The following SPSB1 variants were observed in gnomAD, a reference collection of about 807,000 sequenced individuals.
The protein encoded by SPSB1 is splA/ryanodine receptor domain and SOCS box containing 1.
Under a neutral mutation model 21.2 loss-of-function variants are expected in SPSB1, and 8 were observed. The ratio of observed to expected loss-of-function variants is 0.38; its 90% CI spans 0.22 to 0.68. SPSB1 has a LOEUF of 0.68. Ranked by LOEUF, SPSB1 falls within the 30% of genes least tolerant of loss-of-function variation. The pLI is 0.53. For missense variants in SPSB1, 242 were observed against 377.8 expected (o/e 0.64, Z 2.98); for synonymous variants, 169 against 161.7 (o/e 1.05, Z -0.34).
intron 1 of SPSB1, among the ~76,000 whole-genome samples, chr1:9,351,804 G>A (rs923060599): frequency 1.3e-5 from 2 of 152,206 alleles, no homozygotes; most frequent in Admixed American, 6.5e-5. Context: ...GGTGACAGAT[G>A]AGTCAAGAGT....
intron 1 of SPSB1, among the ~76,000 whole-genome samples, chr1:9,352,611 G>A (rs966825646): frequency 6.6e-6 from 1 of 152,068 alleles, no homozygotes; most frequent in Non-Finnish European, 1.5e-5. Context: ...TGTGTGTTCA[G>A]TTCTGGGTTT....
At chr1:9,366,268 G>C (rs903868095) in intron 2 of SPSB1, among the ~76,000 whole-genome samples, 2 of 152,240 alleles carry the variant, frequency 1.3e-5, no homozygotes, top group Non-Finnish European at 2.9e-5. Context: ...TGGGGGATCA[G>C]CTGAAACTGG....
intron 1 of SPSB1, among the ~76,000 whole-genome samples, chr1:9,318,217 A>C (rs2100479210): frequency 6.6e-6 from 1 of 152,340 alleles, no homozygotes; most frequent in South Asian, 2.1e-4. Flanking sequence ...TGATGCCCCC[A>C]GATCCTCCAC....
At chr1:9,302,303 C>G (rs1639342768) in intron 1 of SPSB1, among the ~76,000 whole-genome samples, 4 of 152,218 alleles carry the variant, frequency 2.6e-5, no homozygotes. Context: ...TGATTATTCT[C>G]TATGCTTCAG....
intron 2 of SPSB1, among the ~76,000 whole-genome samples, chr1:9,358,132 C>T (rs539024569): frequency 6.6e-6 from 1 of 152,324 alleles, no homozygotes; most frequent in South Asian, 2.1e-4. Flanking sequence ...CCTGCTCCTC[C>T]TCCCCCACGT....
Position 9,345,045 on chromosome 1 carries a change from TG to T in SPSB1, c.-149-10696del, listed in dbSNP as rs1261635553. On this transcript the variant is annotated intron_variant, in intron 1 of 2. Transcript: ENST00000328089. This position sits in a 1 kb window ranked among gnomAD's most constrained non-coding sequence, Gnocchi z 4.8. ...CTTGTTGGGGGAAAGTGGCAGACTT[TG>T]GATGCACTCCAGCCTCTTCCTCTCA... Among the ~76,000 whole-genome samples the T allele has an allele frequency of 1.3e-5, 2 of 152,128 alleles. No individual in the cohort carries two copies. Among genetic ancestry groups the T allele is most frequent in the Non-Finnish European group, 2.9e-5 (2 of 68,002 alleles).
chr1:9,347,944 T>C (rs55657587), intron 1 of SPSB1, among the ~76,000 whole-genome samples: 23 of 12,958 alleles, frequency 1.8e-3, no homozygotes, highest in African/African-American at 4.4e-3. Flanking sequence ...TCCCTGCAAC[T>C]TTTTTTTTTT....
intron 1 of SPSB1, among the ~76,000 whole-genome samples, chr1:9,331,394 G>A (rs1464262384): frequency 7.6e-5 from 10 of 132,346 alleles, no homozygotes; most frequent in Non-Finnish European, 1.4e-4. Flanking sequence ...ACAGTGGTAC[G>A]ATCTTGGCTC....
At chr1:9,313,244 C>T (rs1013779265) in intron 1 of SPSB1, among the ~76,000 whole-genome samples, 6 of 151,896 alleles carry the variant, frequency 4.0e-5, no homozygotes, top group Non-Finnish European at 7.4e-5. Flanking sequence ...TAAAAAAATA[C>T]AAAAAAGTAG....
At chr1:9,325,082 C>T (rs539474096) in intron 1 of SPSB1, among the ~76,000 whole-genome samples, 84 of 152,338 alleles carry the variant, frequency 5.5e-4, no homozygotes, top group African/African-American at 1.7e-3. Context: ...TCGCTGGAAG[C>T]TGGGACTCCA....
chr1:9,336,630 G>A (rs1640007747), intron 1 of SPSB1, among the ~76,000 whole-genome samples: 1 of 152,200 alleles, frequency 6.6e-6, no homozygotes, highest in African/African-American at 2.4e-5. Flanking sequence ...GCAGAGGCAG[G>A]GGCAGGAGGC....
intron 2 of SPSB1, among the ~76,000 whole-genome samples, chr1:9,365,188 C>T (rs1053941309): frequency 1.1e-4 from 16 of 151,968 alleles, no homozygotes; most frequent in African/African-American, 2.2e-4. Flanking sequence ...GTCTCTGTTA[C>T]GCAGGCTGGA....
At chr1:9,364,410 G>T (rs1216109849) in intron 2 of SPSB1, among the ~76,000 whole-genome samples, 2 of 152,234 alleles carry the variant, frequency 1.3e-5, no homozygotes, top group Non-Finnish European at 2.9e-5. Context: ...ATCTGGTCTG[G>T]ATTCCGTGTC....
Position 9,367,811 on chromosome 1 carries a change from T to C in SPSB1, c.*236T>C, listed in dbSNP as rs1640603896. The C allele has an allele frequency of 5.2e-6, 3 of 579,122 alleles. No individual in the cohort carries two copies. Among genetic ancestry groups the C allele is most frequent in the Admixed American group, 3.3e-5 (1 of 30,642 alleles). The allele number at this position is 579,122 out of a possible 1,614,324, so 35.9% of individuals were successfully genotyped here. On this transcript the variant is annotated 3_prime_UTR_variant, in exon 3 of 3. Coordinates refer to ENST00000328089, the MANE Select transcript of SPSB1 (RefSeq NM_025106.4). This position sits in a 1 kb window ranked among gnomAD's most constrained non-coding sequence, Gnocchi z 5.9. ...AGGCAGCATCCCTGCATGCCGTCCGTATACAACCCCTCTTTGAAAAAAGAC... is the reference window on the plus strand; with the variant it reads ...AGGCAGCATCCCTGCATGCCGTCCGCATACAACCCCTCTTTGAAAAAAGAC...
In SPSB1 at chr1:9,332,012, ATG is replaced by A. The variant is rs138219792; in HGVS notation, c.-149-23728_-149-23727del. Among the ~76,000 whole-genome samples the A allele has an allele frequency of 5.1e-3, 779 of 152,292 alleles. 7 individuals carry two copies. Among genetic ancestry groups the A allele is most frequent in the African/African-American group, 0.018 (750 of 41,558 alleles). On this transcript the variant is annotated intron_variant, in intron 1 of 2. Transcript: ENST00000328089. ...TGTTGACAGTTTGAGTGTTGAAAAT[ATG>A]TGACTCTTTTGTACGTGTTTGAATT...
intron 1 of SPSB1, among the ~76,000 whole-genome samples, chr1:9,296,623 C>G (rs1173570735): frequency 6.6e-6 from 1 of 152,116 alleles, no homozygotes; most frequent in South Asian, 2.1e-4. Context: ...CACATATATG[C>G]ACACATACAC....
chr1:9,306,006 G>C (rs899205901), intron 1 of SPSB1, among the ~76,000 whole-genome samples: 1 of 152,196 alleles, frequency 6.6e-6, no homozygotes, highest in African/African-American at 2.4e-5. Context: ...ACGTGGGAGA[G>C]GGGTTCGTGC....
At chr1:9,303,805 C>A (rs780456933) in intron 1 of SPSB1, among the ~76,000 whole-genome samples, 33 of 152,242 alleles carry the variant, frequency 2.2e-4, no homozygotes, top group Non-Finnish European at 4.4e-4. Context: ...TGATAAGGGG[C>A]GAACCTGTGA....
At chr1:9,319,944 G>A (rs995950308) in intron 1 of SPSB1, among the ~76,000 whole-genome samples, 44 of 152,244 alleles carry the variant, frequency 2.9e-4, no homozygotes, top group African/African-American at 1.0e-3. Flanking sequence ...GCCGGCCCCT[G>A]AGCTGGCCAC....
Sources: gnomAD v4.1 joint callset for allele counts (sites outside exome capture counted in the v4.1 genomes callset) on GRCh38, gnomAD v4.1.1 for gene constraint, Gnocchi (gnomAD v3.1) non-coding constraint, MANE v1.5 for transcripts, NCBI Gene and HGNC (gene_info 2026-07-23, HGNC 2026-07-21) for gene names.